The following TNFSF8 variants were observed in gnomAD, a reference collection of about 807,000 sequenced individuals.
TNFSF8 encodes the protein TNF superfamily member 8.
In TNFSF8, 4 loss-of-function variants were observed where a neutral mutation model predicts 22.0. That is an observed-to-expected ratio of 0.18 (90% CI 0.09 to 0.42). The LOEUF (loss-of-function observed/expected upper bound fraction) is 0.42, where lower values mean the gene tolerates loss of function less well. Among genes scored for constraint, TNFSF8 ranks in the 10% least tolerant of loss-of-function variants. The pLI is 1.00. For missense variants in TNFSF8, 233 were observed against 281.8 expected, an observed-to-expected ratio of 0.83 and a Z score of 1.24; for synonymous variants, 106 against 112.5, an observed-to-expected ratio of 0.94 and a Z score of 0.37.
At chr9:114,929,478 C>T (rs952798809) in intron 1 of TNFSF8, among the ~76,000 whole-genome samples, 28 of 151,476 alleles carry the variant, frequency 1.8e-4, no homozygotes. Flanking sequence ...CCATGGTCTT[C>T]TCTTTCGCCT....
At position 114,903,079 on chromosome 9, in the gene TNFSF8, C is replaced by T. The variant is rs1827736769; in HGVS notation, c.*852G>A. 1 of 152,260 alleles carries T rather than the reference C, an allele frequency of 6.6e-6. No individual in the cohort carries two copies. Among genetic ancestry groups the T allele is most frequent in the Admixed American group, 6.5e-5 (1 of 15,270 alleles). The allele number at this position is 152,260 out of a possible 1,614,324, so 9.4% of individuals were successfully genotyped here. A position where few individuals can be genotyped will look rare whatever the true frequency, so the allele number is the denominator to read the frequency against. ...TTTGCCAGTGAATTGAGAGTGACCA[C>T]ACCCTATTTCTTTACCTACATTGTT... On this transcript the variant is annotated 3_prime_UTR_variant, in exon 4 of 4. Coordinates refer to ENST00000223795, the MANE Select transcript of TNFSF8 (RefSeq NM_001244.4).
Position 114,904,177 on chromosome 9 carries a change from A to G in TNFSF8, c.459T>C (p.Asn153=). ...GCTCCAACTTCAGATCGACAGAATT[A>G]TTTGGGCATTGTACAAGAAACTGCA... is the stretch of plus-strand genomic sequence containing the variant. ...CQLQFLVQCP[N]NSVDLKLELL... is the part of the protein sequence containing the mutation. Residue 153 remains asparagine (N), a synonymous_variant, in exon 4 of 4, where the codon AAT becomes AAC. Transcript: ENST00000223795. 6.2e-7 allele frequency: 1 copy of G among 1,614,128 alleles called. No individual in the cohort carries two copies. Among genetic ancestry groups the G allele is most frequent in the Non-Finnish European group, 8.5e-7 (1 of 1,179,978 alleles).
At chr9:114,899,353 T>A (rs1038874269), downstream of TNFSF8, among the ~76,000 whole-genome samples, 1 of 151,452 alleles carries the variant, frequency 6.6e-6, no homozygotes, top group Non-Finnish European at 1.5e-5. Flanking sequence ...TTATTTTTTT[T>A]TTTTTTTCTT....
chr9:114,930,423 A>G lies in TNFSF8; in HGVS notation c.-120T>C, dbSNP rs982932066. On this transcript the variant is annotated 5_prime_UTR_variant, in exon 1 of 4. Transcript: ENST00000223795. Reference sequence around the variant, plus strand: ...TCCTGAATCATGTGACTTGGAAAAAAACCTTCACCTGCTGCCTGGTGGAGA... The same window carrying G: ...TCCTGAATCATGTGACTTGGAAAAAGACCTTCACCTGCTGCCTGGTGGAGA... 1 of 810,304 alleles carries G rather than the reference A, an allele frequency of 1.2e-6. No individual in the cohort carries two copies. The highest frequency in any genetic ancestry group is 3.4e-5 in the South Asian group (1 of 29,356). The allele number at this position is 810,304 out of a possible 1,614,324, so 50.2% of individuals were successfully genotyped here.
chr9:114,896,109 C>T (rs570065546), intron 4 of TNFSF8, among the ~76,000 whole-genome samples: 1 of 152,308 alleles, frequency 6.6e-6, no homozygotes, highest in South Asian at 2.1e-4. Context: ...AACAGAGAAA[C>T]ATAACGGATT....
chr9:114,929,565 G>A (rs1297927943), intron 1 of TNFSF8, among the ~76,000 whole-genome samples: 3 of 152,000 alleles, frequency 2.0e-5, no homozygotes, highest in African/African-American at 7.3e-5. Flanking sequence ...TCTTGGCAAT[G>A]GGTGAGGCCT....
At chr9:114,928,081 G>A (rs1828085853) in intron 1 of TNFSF8, among the ~76,000 whole-genome samples, 1 of 152,136 alleles carries the variant, frequency 6.6e-6, no homozygotes, top group Non-Finnish European at 1.5e-5. Context: ...AACATGGCAA[G>A]CCTTAATTTT....
chr9:114,929,999 T>G, intron 1 of TNFSF8, 110 bp downstream of exon 1: 1 of 684,866 alleles, frequency 1.5e-6, no homozygotes, highest in Non-Finnish European at 2.2e-6. Flanking sequence ...GTTTATTTAT[T>G]TAATTTTATT....
intron 1 of TNFSF8, among the ~76,000 whole-genome samples, chr9:114,923,095 C>T (rs964011359): frequency 3.3e-5 from 5 of 152,018 alleles, no homozygotes; most frequent in South Asian, 2.1e-4. Flanking sequence ...CTGTCCTCTC[C>T]GTCTCTTCTA....
intron 2 of TNFSF8, among the ~76,000 whole-genome samples, chr9:114,912,207 A>G (rs1246322483): frequency 6.6e-6 from 1 of 152,208 alleles, no homozygotes; most frequent in Non-Finnish European, 1.5e-5. Flanking sequence ...AGAGTTGTAG[A>G]GAGGATTAAA....
chr9:114,902,293 C>T lies in TNFSF8; in HGVS notation c.*1638G>A, dbSNP rs117673429. The T allele has an allele frequency of 4.2e-3, 4,131 of 985,326 alleles. 26 individuals carry two copies. The highest frequency in any genetic ancestry group is 0.042 in the East Asian group (368 of 8,812). The allele number at this position is 985,326 out of a possible 1,614,324, so 61.0% of individuals were successfully genotyped here. On this transcript the variant is annotated 3_prime_UTR_variant, in exon 4 of 4. Transcript: ENST00000223795. Reference sequence around the variant, plus strand: ...CTTTGTGGGGATATAAAAACCCTCGCGGAACTGGTTTTCTGAGAGGTGTTT... The same window carrying T: ...CTTTGTGGGGATATAAAAACCCTCGTGGAACTGGTTTTCTGAGAGGTGTTT...
chr9:114,898,245 G>A (rs377195035), downstream of TNFSF8, among the ~76,000 whole-genome samples: 16 of 151,918 alleles, frequency 1.1e-4, no homozygotes, highest in East Asian at 1.4e-3. Context: ...CTCATGATCC[G>A]CCCGCCTCGA....
chr9:114,907,634 C>T (rs1652036731), intron 2 of TNFSF8, among the ~76,000 whole-genome samples: 1 of 152,104 alleles, frequency 6.6e-6, no homozygotes, highest in Non-Finnish European at 1.5e-5. Context: ...CTGGTCTCAC[C>T]CCTCACCTTC....
intron 2 of TNFSF8, among the ~76,000 whole-genome samples, chr9:114,915,071 A>C (rs1035134466): frequency 2.0e-5 from 3 of 152,096 alleles, no homozygotes; most frequent in African/African-American, 4.8e-5. Context: ...TTTCCTTTCT[A>C]GTGACAAACC....
At chr9:114,900,974 C>G (rs958994515), downstream of TNFSF8, among the ~76,000 whole-genome samples, 2 of 152,030 alleles carry the variant, frequency 1.3e-5, no homozygotes, top group Non-Finnish European at 2.9e-5. Flanking sequence ...TCTACATTGA[C>G]TTGTTATGTT....
In TNFSF8 at chr9:114,926,897, G is replaced by A. The variant is rs940824657; in HGVS notation, c.195+3212C>T. Among the ~76,000 whole-genome samples the A allele has an allele frequency of 2.2e-4, 33 of 148,178 alleles. No homozygotes were observed. The East Asian group carries it at 6.2e-3, about 28-fold the overall frequency. ...TAGTTACTTTTCTTAAACCATGTAA[G>A]TATAGTATTTCCTAATATAAATATT... On this transcript the variant is annotated intron_variant, in intron 1 of 3. Coordinates refer to ENST00000223795, the MANE Select transcript of TNFSF8 (RefSeq NM_001244.4).
intron 1 of TNFSF8, among the ~76,000 whole-genome samples, chr9:114,929,357 CT>C (rs370592705): frequency 0.013 from 1,687 of 133,008 alleles, 6 homozygotes; most frequent in East Asian, 0.02. Context: ...TGTGCTGTTT[CT>C]TTTTTTTTTT....
At chr9:114,913,932 C>A (rs1374869633) in intron 2 of TNFSF8, among the ~76,000 whole-genome samples, 6 of 152,190 alleles carry the variant, frequency 3.9e-5, no homozygotes, top group Non-Finnish European at 2.9e-5. Flanking sequence ...CAAGAAAGAA[C>A]ACTGACTACA....
At chr9:114,907,947 G>T (rs137943151) in intron 2 of TNFSF8, among the ~76,000 whole-genome samples, 1 of 152,150 alleles carries the variant, frequency 6.6e-6, no homozygotes, top group Non-Finnish European at 1.5e-5. Context: ...ACCGCTGCCC[G>T]AATGGATTCC....
Sources: gnomAD v4.1 joint callset for allele counts (sites outside exome capture counted in the v4.1 genomes callset) on GRCh38, gnomAD v4.1.1 for gene constraint, MANE v1.5 for transcripts, NCBI Gene and HGNC (gene_info 2026-07-23, HGNC 2026-07-21) for gene names.